The following PRR16 variants were observed in gnomAD, a reference collection of about 807,000 sequenced individuals.
The protein encoded by PRR16 is proline rich 16.
Under a neutral mutation model 18.2 loss-of-function variants are expected in PRR16, and 6 were observed. That is an observed-to-expected ratio of 0.33 (90% CI 0.18 to 0.65). The LOEUF (loss-of-function observed/expected upper bound fraction) is 0.65. Among genes scored for constraint, PRR16 ranks in the 30% least tolerant of loss-of-function variants. The probability of loss-of-function intolerance (pLI) is 0.74; values close to 1 mark genes in which losing one functional copy is unlikely to be tolerated. For synonymous variants in PRR16, 151 were observed against 147.8 expected (o/e 1.02, Z -0.16); for missense variants, 412 against 376.6 (o/e 1.09, Z -0.78).
rs369073792 is a variant in PRR16, at chr5:120,656,122, A to G, written c.160-29832A>G. ...TGCTTGGTTCATTTCGTTATTCTCA[A>G]AATATCATCACCACCTTTTCACCAA... On this transcript the variant is annotated intron_variant, in intron 1 of 1. Coordinates refer to ENST00000407149, the MANE Select transcript of PRR16 (RefSeq NM_001300783.2). Among the ~76,000 whole-genome samples the G allele has an allele frequency of 2.9e-4, 44 of 151,870 alleles. 3 individuals carry two copies. Among genetic ancestry groups the G allele is most frequent in the East Asian group, 2.5e-3 (13 of 5,138 alleles).
the PRR16 span, among the ~76,000 whole-genome samples, chr5:120,751,194 G>T: frequency 6.6e-6 from 1 of 152,184 alleles, no homozygotes; most frequent in Non-Finnish European, 1.5e-5. Context: ...ATTGATCGAT[G>T]GGCACTTAGG....
At chr5:120,623,868 GA>G (rs1021556117) in intron 1 of PRR16, among the ~76,000 whole-genome samples, 11 of 151,832 alleles carry the variant, frequency 7.2e-5, no homozygotes, top group Admixed American at 5.3e-4. Flanking sequence ...GAATAAGGAT[GA>G]ATATGTTAAT....
intron 1 of PRR16, among the ~76,000 whole-genome samples, chr5:120,677,055 AC>A (rs1756821283): frequency 6.6e-6 from 1 of 152,214 alleles, no homozygotes; most frequent in Admixed American, 6.5e-5. Flanking sequence ...TCAGAAGATA[AC>A]CACAGTGTTT....
chr5:120,526,398 G>T (rs1321412809), intron 1 of PRR16, among the ~76,000 whole-genome samples: 1 of 151,992 alleles, frequency 6.6e-6, no homozygotes. Flanking sequence ...AAATATAATT[G>T]CATGCCATTT....
At chr5:120,616,317 A>G (rs1754509486) in intron 1 of PRR16, among the ~76,000 whole-genome samples, 1 of 152,164 alleles carries the variant, frequency 6.6e-6, no homozygotes, top group Non-Finnish European at 1.5e-5. Flanking sequence ...GGCGGCAACA[A>G]TCTTGCATTT....
At chr5:120,655,068 T>C (rs567318513) in intron 1 of PRR16, among the ~76,000 whole-genome samples, 2 of 152,074 alleles carry the variant, frequency 1.3e-5, no homozygotes, top group Non-Finnish European at 2.9e-5. Context: ...TTATTGATCA[T>C]ATATTACCTG....
intron 1 of PRR16, among the ~76,000 whole-genome samples, chr5:120,492,289 T>C (rs1750084246): frequency 6.6e-6 from 1 of 150,774 alleles, no homozygotes; most frequent in African/African-American, 2.4e-5. Flanking sequence ...TGTGTGTGTG[T>C]GTGTGTGTGT....
In PRR16 at chr5:120,522,993, T is replaced by C. The variant is rs560833946; in HGVS notation, c.159+58348T>C. Among the ~76,000 whole-genome samples the C allele has an allele frequency of 8.8e-4, 134 of 152,310 alleles. 1 individual carries two copies. The highest frequency in any genetic ancestry group is 1.7e-3 in the Admixed American group (26 of 15,288). On this transcript the variant is annotated intron_variant, in intron 1 of 1. Transcript: ENST00000407149. The stretch of plus-strand genomic sequence containing the variant: ...CCATACTTTGTATAGAACTTATTCA[T>C]AGGAGTCATTTTTATATTAAAACTT...
At position 120,660,127 on chromosome 5, in the gene PRR16, A is replaced by G. The variant is rs140123574; in HGVS notation, c.160-25827A>G. Among the ~76,000 whole-genome samples the G allele has an allele frequency of 1.0e-3, 153 of 152,200 alleles. 3 individuals carry two copies. The East Asian group carries it at 0.029, about 28-fold the overall frequency. ...TTTATGAAACTAGAATAAGGACAGT[A>G]TAAGACACTCACAACTTTAGGCAAA... On this transcript the variant is annotated intron_variant, in intron 1 of 1. Coordinates refer to ENST00000407149, the MANE Select transcript of PRR16 (RefSeq NM_001300783.2).
intron 1 of PRR16, among the ~76,000 whole-genome samples, chr5:120,515,285 C>A (rs531128274): frequency 3.6e-4 from 55 of 152,260 alleles, no homozygotes; most frequent in African/African-American, 1.2e-3. Flanking sequence ...GCAGAAGCCT[C>A]ATAACCCAAT....
chr5:120,757,241 T>C, the PRR16 span, among the ~76,000 whole-genome samples: 1 of 152,062 alleles, frequency 6.6e-6, no homozygotes, highest in Non-Finnish European at 1.5e-5. Context: ...AGTTTGAAGT[T>C]GGGTAACATG....
At chr5:120,690,872 A>C (rs1345303810), downstream of PRR16, among the ~76,000 whole-genome samples, 2 of 152,144 alleles carry the variant, frequency 1.3e-5, no homozygotes, top group Non-Finnish European at 2.9e-5. Flanking sequence ...ACTGGGGAAA[A>C]AAAAACCTGA....
At chr5:120,507,259 A>G (rs1330802596) in intron 1 of PRR16, among the ~76,000 whole-genome samples, 1 of 152,164 alleles carries the variant, frequency 6.6e-6, no homozygotes, top group Non-Finnish European at 1.5e-5. Flanking sequence ...TCTACCCTTT[A>G]AGGCATTTTT....
intron 1 of PRR16, among the ~76,000 whole-genome samples, chr5:120,562,242 G>C (rs1752598575): frequency 6.6e-6 from 1 of 151,812 alleles, no homozygotes; most frequent in African/African-American, 2.4e-5. Flanking sequence ...GGCCTCCTTT[G>C]TCTTTTTAAA....
intron 1 of PRR16, among the ~76,000 whole-genome samples, chr5:120,495,777 C>T (rs1287244134): frequency 6.6e-6 from 1 of 151,934 alleles, no homozygotes; most frequent in Non-Finnish European, 1.5e-5. Flanking sequence ...TTTACTGCTT[C>T]CTTTCTAATT....
chr5:120,588,085 G>A (rs984752005), intron 1 of PRR16, among the ~76,000 whole-genome samples: 6 of 152,148 alleles, frequency 3.9e-5, no homozygotes, highest in Non-Finnish European at 8.8e-5. Flanking sequence ...AGAACTAGAA[G>A]TAGTGCCTGA....
intron 1 of PRR16, among the ~76,000 whole-genome samples, chr5:120,566,837 A>T (rs1046057135): frequency 1.3e-5 from 2 of 152,228 alleles, no homozygotes; most frequent in Non-Finnish European, 2.9e-5. Flanking sequence ...CTATGAATTC[A>T]GTCAGGAAAG....
At chr5:120,754,317 TAA>T in the PRR16 span, among the ~76,000 whole-genome samples, 2 of 87,062 alleles carry the variant, frequency 2.3e-5, no homozygotes, top group Non-Finnish European at 3.9e-5. Flanking sequence ...ATATAACATA[TAA>T]ATATTATATG....
the PRR16 span, among the ~76,000 whole-genome samples, chr5:120,701,692 G>T: frequency 1.3e-5 from 2 of 152,106 alleles, no homozygotes; most frequent in Non-Finnish European, 2.9e-5. Flanking sequence ...AGAAAAGGAA[G>T]ATTAGAAAGA....
Sources: gnomAD v4.1 joint callset for allele counts (sites outside exome capture counted in the v4.1 genomes callset) on GRCh38, gnomAD v4.1.1 for gene constraint, MANE v1.5 for transcripts, NCBI Gene and HGNC (gene_info 2026-07-23, HGNC 2026-07-21) for gene names.